The following RIOK1 variants were observed in gnomAD, a reference collection of about 807,000 sequenced individuals.
RIOK1 encodes the protein RIO kinase 1.
RIOK1 carries 66 observed loss-of-function variants against 73.5 expected under a neutral mutation model. The observed-to-expected ratio is 0.90, with a 90% CI of 0.74 to 1.10. The LOEUF is 1.10. Ranked by LOEUF, RIOK1 falls within the 50% of genes least tolerant of loss-of-function variation. The pLI, the probability that RIOK1 is intolerant of heterozygous loss-of-function variation, is 0.00. For missense variants in RIOK1, 658 were observed against 699.8 expected (o/e 0.94, Z 0.67); for synonymous variants, 224 against 226.8 (o/e 0.99, Z 0.11).
chr6:7,411,492 AG>A (rs1761882404), intron 14 of RIOK1, 41 bp downstream of exon 14: 11 of 1,611,158 alleles, frequency 6.8e-6, no homozygotes, highest in Non-Finnish European at 9.3e-6. Context: ...GCTCTTCAAA[AG>A]TAGTAGGGGA....
chr6:7,396,897 G>GTGTA (rs1761489250), intron 4 of RIOK1, 125 bp downstream of exon 4: 2 of 522,484 alleles, frequency 3.8e-6, no homozygotes, highest in East Asian at 6.2e-5. Flanking sequence ...ATTTTGGTGT[G>GTGTA]TGTGTGTGTG....
In RIOK1 at chr6:7,410,431, C is replaced by T. The variant is rs1161712957; in HGVS notation, c.1249C>T (p.Gln417Ter). The T allele has an allele frequency of 1.8e-5, 29 of 1,611,240 alleles. No homozygotes were observed. The highest frequency in any genetic ancestry group is 2.2e-5 in the East Asian group (1 of 44,872). Residue 417 changes from glutamine to a stop codon, truncating the protein, a stop_gained, in exon 13 of 17, where the codon CAA becomes TAA. Coordinates refer to ENST00000379834, the MANE Select transcript of RIOK1 (RefSeq NM_031480.3). LOFTEE classifies it high-confidence loss of function. ...SQRTKEERSS[Q>*]DHVDEEVFKR... ...AAGGACCAAGGAAGAACGGTCTAGC[C>T]AAGATCATGTGGATGAAGAGGTAGG...
chr6:7,391,749 T>C (rs373505630), intron 1 of RIOK1, among the ~76,000 whole-genome samples: 3 of 152,124 alleles, frequency 2.0e-5, no homozygotes, highest in South Asian at 4.1e-4. Context: ...GCCAGAGATA[T>C]GCTGCTAAAA....
At chr6:7,396,956 G>T (rs1185076095) in intron 4 of RIOK1, among the ~76,000 whole-genome samples, 184 bp downstream of exon 4, 1 of 151,654 alleles carries the variant, frequency 6.6e-6, no homozygotes, top group Non-Finnish European at 1.5e-5. Flanking sequence ...CTATGCCTTT[G>T]TGAATTAAAA....
chr6:7,393,208 G>A lies in RIOK1; in HGVS notation c.181G>A (p.Glu61Lys). 1 of 1,613,096 alleles carries A rather than the reference G, an allele frequency of 6.2e-7. No individual in the cohort carries two copies. The highest frequency in any genetic ancestry group is 1.7e-5 in the Admixed American group (1 of 60,012). The change falls in exon 2 of 17, where the codon GAG becomes AAG. Residue 61 changes from glutamate to lysine, a missense_variant. Transcript: ENST00000379834. ...GEGEIEDEEE[E>K]GYDDDDDDWD... is the part of the protein sequence containing the mutation. ...AGGTGAAATAGAAGATGAGGAGGAG[G>A]AGGGTTATGACGATGATGATGATGA... is the stretch of plus-strand genomic sequence containing the variant.
chr6:7,400,184 A>G (rs1340805279), intron 5 of RIOK1, among the ~76,000 whole-genome samples: 2 of 152,232 alleles, frequency 1.3e-5, no homozygotes, highest in Non-Finnish European at 2.9e-5. Flanking sequence ...GTGATTTACT[A>G]ATCTATAATG....
At chr6:7,415,266 T>A (rs997762649) in intron 16 of RIOK1, among the ~76,000 whole-genome samples, 1 of 152,082 alleles carries the variant, frequency 6.6e-6, no homozygotes, top group East Asian at 1.9e-4. Context: ...ATTAAAACAT[T>A]GGTGATGAGC....
At chr6:7,396,924 C>T (rs1761490619) in intron 4 of RIOK1, 152 bp downstream of exon 4, 5 of 314,094 alleles carry the variant, frequency 1.6e-5, no homozygotes, top group South Asian at 1.0e-4. Flanking sequence ...TGTGTGTTTT[C>T]CTTAGCTTAA....
chr6:7,389,988 CG>C lies in RIOK1; in HGVS notation c.-13del. On this transcript the variant is annotated 5_prime_UTR_variant, in exon 1 of 17. Transcript: ENST00000379834. ...TCCATCGCAGAGCGGCGGCCTCCGG[CG>C]GCGCTCTCCAGTCATGGACTACCGG... 6.5e-7 allele frequency: 1 copy of C among 1,549,648 alleles called. No individual in the cohort carries two copies. The highest frequency in any genetic ancestry group is 8.7e-7 in the Non-Finnish European group (1 of 1,146,430).
Position 7,405,789 on chromosome 6 carries a change from TC to T in RIOK1, c.1203+436del, listed in dbSNP as rs1486503161. Among the ~76,000 whole-genome samples, 43 of 145,888 alleles carry T rather than the reference TC, an allele frequency of 2.9e-4. 1 individual carries two copies. The highest frequency in any genetic ancestry group is 3.7e-3 in the Middle Eastern group (1 of 270). ...GGTAAAGCCAGGGGTTTTTTTTTTTTCCTTTTTTTTTTTTTTTTCTTCTCCT... is the reference window on the plus strand; with the variant it reads ...GGTAAAGCCAGGGGTTTTTTTTTTTTCTTTTTTTTTTTTTTTTCTTCTCCT... On this transcript the variant is annotated intron_variant, in intron 12 of 16. Transcript: ENST00000379834.
At chr6:7,400,055 T>A (rs1209739527) in intron 5 of RIOK1, among the ~76,000 whole-genome samples, 2 of 152,228 alleles carry the variant, frequency 1.3e-5, no homozygotes, top group African/African-American at 2.4e-5. Context: ...ATTTGGCTGC[T>A]TTAGTTTCAG....
intron 14 of RIOK1, among the ~76,000 whole-genome samples, chr6:7,411,950 C>T (rs1581723200): frequency 2.0e-5 from 3 of 152,152 alleles, no homozygotes; most frequent in Admixed American, 1.3e-4. Context: ...TTGTGTAATA[C>T]AAGTATACTA....
intron 8 of RIOK1, 54 bp downstream of exon 8, chr6:7,402,951 G>A: frequency 6.6e-7 from 1 of 1,505,228 alleles, no homozygotes; most frequent in Non-Finnish European, 9.1e-7. Flanking sequence ...ATGAACATCA[G>A]CCCTTCCTCC....
chr6:7,397,576 A>G (rs1015531813), intron 4 of RIOK1, among the ~76,000 whole-genome samples: 1 of 152,230 alleles, frequency 6.6e-6, no homozygotes, highest in Non-Finnish European at 1.5e-5. Context: ...ACTCTAAAGT[A>G]TTATCACTAT....
chr6:7,395,462 G>A (rs571147182), intron 3 of RIOK1, among the ~76,000 whole-genome samples: 2 of 147,620 alleles, frequency 1.4e-5, no homozygotes, highest in East Asian at 2.0e-4. Flanking sequence ...GTGATGAGCC[G>A]AGATTGTGCC....
intron 12 of RIOK1, 90 bp from the exon 13 acceptor site, chr6:7,410,296 G>A (rs541086151): frequency 1.1e-6 from 1 of 873,606 alleles, no homozygotes; most frequent in East Asian, 2.5e-5. Context: ...TACTTAAAAA[G>A]ACTGGAACAA....
Position 7,401,041 on chromosome 6 carries a change from A to C in RIOK1, c.564A>C (p.Thr188=), listed in dbSNP as rs543543271. 4 of 1,591,224 alleles carry C rather than the reference A, an allele frequency of 2.5e-6. No homozygotes were observed. The East Asian group carries it at 9.0e-5, about 36-fold the overall frequency. Reference sequence around the variant, plus strand: ...CAGAGATAAATGGCTGCATTAGCACAGGAAAAGAAGTGAGCTCTTCTTTGG... The same window carrying C: ...CAGAGATAAATGGCTGCATTAGCACCGGAAAAGAAGTGAGCTCTTCTTTGG... The part of the protein sequence containing the change: ...IITEINGCIS[T]GKEANVYHAS... The change falls in exon 6 of 17, where the codon ACA becomes ACC. Residue 188 remains threonine, a synonymous_variant. Coordinates refer to ENST00000379834, the MANE Select transcript of RIOK1 (RefSeq NM_031480.3).
intron 11 of RIOK1, 47 bp downstream of exon 11, chr6:7,405,068 G>A (rs572546912): frequency 6.7e-7 from 1 of 1,495,086 alleles, no homozygotes; most frequent in South Asian, 1.2e-5. Flanking sequence ...GTCTGTTTTG[G>A]TTTTGTACTC....
Position 7,417,257 on chromosome 6 carries a change from A to G in RIOK1, c.1597-74A>G, listed in dbSNP as rs373799017. ...AGAGCAAGACCCTGTCTAAAAAACA[A>G]AAAACAAAAAACAAAAACAAAAAAT... On this transcript the variant is annotated intron_variant, in intron 16 of 16. Transcript: ENST00000379834. The G allele has an allele frequency of 1.8e-5, 18 of 1,021,250 alleles. No homozygotes were observed. In the East Asian group the frequency reaches 4.0e-4, roughly 23 times the overall value. 63.3% of individuals were successfully genotyped at this position (1,021,250 alleles called of 1,614,324 possible).
Sources: gnomAD v4.1 joint callset for allele counts (sites outside exome capture counted in the v4.1 genomes callset) on GRCh38, gnomAD v4.1.1 for gene constraint, MANE v1.5 for transcripts, NCBI Gene and HGNC (gene_info 2026-07-23, HGNC 2026-07-21) for gene names.